The following FHL1 variants were observed in gnomAD, a reference collection of about 807,000 sequenced individuals.
FHL1 encodes four and a half LIM domains protein 1.
Under a neutral mutation model 20.3 loss-of-function variants are expected in FHL1, and 1 was observed. The observed-to-expected ratio is 0.05, with a 90% CI of 0.02 to 0.23. The LOEUF (loss-of-function observed/expected upper bound fraction) is 0.23. Among genes scored for constraint, FHL1 ranks in the 10% least tolerant of loss-of-function variants. The pLI is 1.00. For synonymous variants in FHL1, 82 were observed against 88.9 expected (o/e 0.92, Z 0.44); for missense variants, 177 against 234.0 (o/e 0.76, Z 1.59).
intron 1 of FHL1, chrX:136,147,731 C>CGCT (rs2072137991): frequency 9.1e-6 from 1 of 109,402 alleles, no homozygotes. Context: ...CCGCCGCCGC[C>CGCT]GCTCGGGGCT....
At position 136,208,649 on chromosome X, in the gene FHL1, A is replaced by G. The variant is rs376754350; in HGVS notation, c.736+8A>G. The G allele has an allele frequency of 1.1e-5, 13 of 1,202,822 alleles. No homozygotes were observed. The African/African-American group carries it at 1.8e-4, about 16-fold the overall frequency. The stretch of plus-strand genomic sequence containing the variant: ...GCAAGAACCCCATCACTGGTAGGCT[A>G]AAGAGTCCTTGCTAAGTCTGCCAGG... On this transcript the variant is annotated splice_region_variant and intron_variant, in intron 5 of 5. Transcript: ENST00000370683.
chrX:136,146,944 C>T (rs2072109704), upstream of FHL1: 1 of 326,500 alleles, frequency 3.1e-6, no homozygotes, highest in Non-Finnish European at 5.9e-6. Context: ...TGCAAGCCAC[C>T]GGGTTCCGAA....
In FHL1 at chrX:136,184,422, G is replaced by A. The variant is rs1443470111; in HGVS notation, c.-27+14442G>A. 2.7e-5 allele frequency among the ~76,000 whole-genome samples: 3 copies of A among 111,651 alleles called. No individual in the cohort carries two copies. In the East Asian group the frequency reaches 8.3e-4, roughly 31 times the overall value. On this transcript the variant is annotated intron_variant, in intron 2 of 6. Transcript: ENST00000394153. ...ATGCTTTTGATTTTTAGATCAAAAC[G>A]AAGAAGCAAGATTTTATGGAGCTTG...
chrX:136,206,260 A>G, intron 1 of FHL1, 147 bp from the exon 2 acceptor site: 1 of 675,224 alleles, frequency 1.5e-6, no homozygotes, highest in Non-Finnish European at 2.4e-6. Context: ...GGTGCCTGGT[A>G]GTCAGCTCGG....
At chrX:136,207,603 C>T in intron 3 of FHL1, 189 bp from the exon 4 acceptor site, 2 of 478,668 alleles carry the variant, frequency 4.2e-6, no homozygotes, top group Non-Finnish European at 3.6e-6. Context: ...GCTGGGGTCC[C>T]CACCCATGAC....
intron 1 of FHL1, among the ~76,000 whole-genome samples, chrX:136,197,653 A>C (rs755240465): frequency 8.9e-6 from 1 of 112,838 alleles, no homozygotes; most frequent in African/African-American, 3.2e-5. Flanking sequence ...TCCTTTTGAT[A>C]TGCTAAGTAT....
Position 136,206,548 on chromosome X carries a change from C to T in FHL1, c.164C>T (p.Thr55Ile). 1 of 1,212,617 alleles carries T rather than the reference C, an allele frequency of 8.2e-7. No homozygotes were observed. The highest frequency in any genetic ancestry group is 1.1e-6 in the Non-Finnish European group (1 of 895,699). Residue 55 changes from threonine to isoleucine, a missense_variant, in exon 2 of 6, where the codon ACC becomes ATC. Coordinates refer to ENST00000370683, the MANE Select transcript of FHL1 (RefSeq NM_001159699.2). Reference protein sequence around the residue: ...LKCFDKFCANTCVECRKPIGA... With the variant: ...LKCFDKFCANICVECRKPIGA... Reference sequence around the variant, plus strand: ...TGCTTTGACAAGTTCTGTGCCAACACCTGTGTGGAATGCCGCAAGCCCATC... The same window carrying T: ...TGCTTTGACAAGTTCTGTGCCAACATCTGTGTGGAATGCCGCAAGCCCATC...
intron 1 of FHL1, among the ~76,000 whole-genome samples, chrX:136,164,505 A>G (rs766911177): frequency 7.2e-5 from 8 of 111,415 alleles, no homozygotes; most frequent in Admixed American, 4.8e-4. Context: ...TTTTTTATTC[A>G]TAAGTATTCT....
At chrX:136,170,107 A>T in intron 2 of FHL1, 1 of 277,756 alleles carries the variant, frequency 3.6e-6, no homozygotes, top group South Asian at 3.5e-5. Context: ...ATTTTAATTG[A>T]CTCAACCAAT....
chrX:136,177,903 G>C (rs951170448), intron 2 of FHL1, among the ~76,000 whole-genome samples: 16 of 112,536 alleles, frequency 1.4e-4, no homozygotes, highest in Admixed American at 1.1e-3. Flanking sequence ...ACTTGTAAGA[G>C]AGAACCATGC....
At chrX:136,172,801 C>T (rs1411747376) in intron 2 of FHL1, among the ~76,000 whole-genome samples, 1 of 112,278 alleles carries the variant, frequency 8.9e-6, no homozygotes, top group Non-Finnish European at 1.9e-5. Context: ...GGTGCAATCT[C>T]GGCTCACTGC....
chrX:136,169,122 G>GT (rs1180116840), upstream of FHL1, among the ~76,000 whole-genome samples: 1 of 111,749 alleles, frequency 8.9e-6, no homozygotes, highest in African/African-American at 3.3e-5. Flanking sequence ...GGATAATACA[G>GT]TGATCACACT....
At chrX:136,192,897 T>C (rs2300913), upstream of FHL1, among the ~76,000 whole-genome samples, 42,741 of 110,726 alleles carry the variant, frequency 0.39, 5,929 homozygotes, top group East Asian at 0.44. Flanking sequence ...AGAAATACTC[T>C]GGAGAGCTCA....
upstream of FHL1, among the ~76,000 whole-genome samples, chrX:136,165,300 G>A (rs982197664): frequency 1.8e-5 from 2 of 111,880 alleles, no homozygotes; most frequent in Non-Finnish European, 3.8e-5. Flanking sequence ...TTATTTTGCC[G>A]AATGAGAGCC....
rs1231574991 is a variant in FHL1, at chrX:136,208,374, C to T, written c.550-81C>T. 7.5e-6 allele frequency: 8 copies of T among 1,059,876 alleles called. No homozygotes were observed. The African/African-American group carries it at 1.3e-4, about 17-fold the overall frequency. 87.3% of individuals were successfully genotyped at this position (1,059,876 alleles called of 1,213,427 possible). ...AATGAGATATTGTATACCAAAGCGC[C>T]CAGCACAGTGCCTGGCACGCAGTAG... On this transcript the variant is annotated intron_variant, in intron 4 of 5. Coordinates refer to ENST00000370683, the MANE Select transcript of FHL1 (RefSeq NM_001159699.2).
intron 1 of FHL1, among the ~76,000 whole-genome samples, chrX:136,151,849 A>G (rs2072273499): frequency 8.9e-6 from 1 of 112,449 alleles, no homozygotes; most frequent in African/African-American, 3.2e-5. Flanking sequence ...TCTTCATTTT[A>G]TAAATGAGGA....
chrX:136,202,840 A>G (rs931866671), intron 1 of FHL1, among the ~76,000 whole-genome samples: 5 of 112,281 alleles, frequency 4.5e-5, no homozygotes, highest in Admixed American at 1.9e-4. Flanking sequence ...GGGAGCCCAC[A>G]CTCAGGATCT....
chrX:136,204,739 C>G (rs2073797398), intron 1 of FHL1: 2 of 112,258 alleles, frequency 1.8e-5, no homozygotes, highest in Admixed American at 1.9e-4. Context: ...TGTTTGGAGG[C>G]TTGGTTCTGA....
At chrX:136,205,623 T>G (rs1473306195) in intron 1 of FHL1, among the ~76,000 whole-genome samples, 3 of 112,078 alleles carry the variant, frequency 2.7e-5, no homozygotes, top group African/African-American at 9.7e-5. Context: ...ACAAAACTCT[T>G]TAGGATCTAT....
Sources: gnomAD v4.1 joint callset for allele counts (sites outside exome capture counted in the v4.1 genomes callset) on GRCh38, gnomAD v4.1.1 for gene constraint, MANE v1.5 for transcripts, NCBI Gene and HGNC (gene_info 2026-07-23, HGNC 2026-07-21) for gene names.